ZC3H3: variants seen among roughly 807,000 people sequenced by gnomAD.
The protein encoded by ZC3H3 is zinc finger CCCH-type containing 3.
Under a neutral mutation model 77.3 loss-of-function variants are expected in ZC3H3, and 36 were observed. The ratio of observed to expected loss-of-function variants is 0.47; its 90% confidence interval spans 0.36 to 0.61. The LOEUF (loss-of-function observed/expected upper bound fraction) is 0.61. ZC3H3 is among the 20% of genes least tolerant of loss of function. ZC3H3 has a pLI of 0.00. For synonymous variants in ZC3H3, 626 were observed against 555.2 expected, an observed-to-expected ratio of 1.13 and a Z score of -1.79; for missense variants, 1,331 against 1,312.2, an observed-to-expected ratio of 1.01 and a Z score of -0.22.
intron 4 of ZC3H3, among the ~76,000 whole-genome samples, chr8:143,501,308 C>T (rs1449341481): frequency 6.6e-6 from 1 of 152,156 alleles, no homozygotes; most frequent in African/African-American, 2.4e-5. Context: ...TCAAGTGATC[C>T]TCCTGCCTCC....
chr8:143,538,436 AGTT>A lies in ZC3H3; in HGVS notation c.928_930del (p.Asn310del). The A allele has an allele frequency of 3.1e-6, 5 of 1,613,188 alleles. No individual in the cohort carries two copies. The highest frequency in any genetic ancestry group is 4.2e-6 in the Non-Finnish European group (5 of 1,180,034). ...TTCGAGGAGGCAGCCACCCATTTGT[AGTT>A]GTTTTTCCGGAACTTGTTAGTTCGA... On this transcript the variant is annotated inframe_deletion, in exon 2 of 12. Coordinates refer to ENST00000262577, the MANE Select transcript of ZC3H3 (RefSeq NM_015117.3).
intron 4 of ZC3H3, among the ~76,000 whole-genome samples, chr8:143,476,905 C>A (rs1316078311): frequency 6.6e-6 from 1 of 152,238 alleles, no homozygotes; most frequent in Admixed American, 6.5e-5. Flanking sequence ...CTGGTCTGGG[C>A]CAGGGTGGGG....
chr8:143,489,539 C>T (rs1586917311), intron 4 of ZC3H3, among the ~76,000 whole-genome samples: 1 of 152,132 alleles, frequency 6.6e-6, no homozygotes, highest in East Asian at 1.9e-4. Context: ...GAAGCAGCCT[C>T]CGCAGGCAAG....
rs2129855088 is a variant in ZC3H3, at chr8:143,462,427, T to C, written c.2307+3290A>G. ...CCTTGCCTCATAAAGGACGAAGGAT[T>C]CGGCCTAACAAAGGGCAGCACTGGC... On this transcript the variant is annotated intron_variant, in intron 9 of 11. Coordinates refer to ENST00000262577, the MANE Select transcript of ZC3H3 (RefSeq NM_015117.3). The surrounding 1 kb of genome is among the most constrained non-coding windows in gnomAD (Gnocchi z 4.7). 6.6e-6 allele frequency among the ~76,000 whole-genome samples: 1 copy of C among 152,162 alleles called. No individual in the cohort carries two copies. Among genetic ancestry groups the C allele is most frequent in the East Asian group, 1.9e-4 (1 of 5,196 alleles).
At chr8:143,442,400 C>CG (rs1285730125) in intron 9 of ZC3H3, among the ~76,000 whole-genome samples, 399 of 5,366 alleles carry the variant, frequency 0.074, 4 homozygotes, top group African/African-American at 0.14. Context: ...CTTCAGGGGC[C>CG]GGGGGGGGTG....
chr8:143,492,497 C>T (rs980600584), intron 4 of ZC3H3, among the ~76,000 whole-genome samples: 12 of 152,322 alleles, frequency 7.9e-5, no homozygotes, highest in Non-Finnish European at 1.8e-4. Flanking sequence ...AGCTGCCCAC[C>T]TGTAGCGTCA....
chr8:143,485,668 T>C (rs1237484700), intron 4 of ZC3H3, among the ~76,000 whole-genome samples: 3 of 152,154 alleles, frequency 2.0e-5, no homozygotes, highest in East Asian at 3.8e-4. Flanking sequence ...CATAAAAGGC[T>C]AAAAAACCAG....
chr8:143,466,940 G>A (rs956743570), intron 8 of ZC3H3, among the ~76,000 whole-genome samples: 1 of 152,184 alleles, frequency 6.6e-6, no homozygotes. Context: ...GGGCAAGGTT[G>A]GGGATGGGAA....
At chr8:143,449,991 G>C (rs1759710717) in intron 9 of ZC3H3, among the ~76,000 whole-genome samples, 1 of 152,128 alleles carries the variant, frequency 6.6e-6, no homozygotes, top group African/African-American at 2.4e-5. Flanking sequence ...CAAGTCTCTA[G>C]AAAGTTCAAA....
chr8:143,521,661 C>T (rs958618842), intron 3 of ZC3H3, among the ~76,000 whole-genome samples: 7 of 152,214 alleles, frequency 4.6e-5, no homozygotes, highest in East Asian at 1.9e-4. Flanking sequence ...CTCCCCGCAC[C>T]GCCTTACTTC....
intron 4 of ZC3H3, among the ~76,000 whole-genome samples, chr8:143,476,361 T>A (rs1820734614): frequency 6.6e-6 from 1 of 152,142 alleles, no homozygotes; most frequent in Non-Finnish European, 1.5e-5. Flanking sequence ...TGGAGTTAGC[T>A]GAGCTGATGA....
In ZC3H3 at chr8:143,538,110, T is replaced by C; in HGVS notation, c.1257A>G (p.Arg419=). 1.2e-6 allele frequency: 2 copies of C among 1,613,158 alleles called. No homozygotes were observed. The highest frequency in any genetic ancestry group is 1.7e-6 in the Non-Finnish European group (2 of 1,180,022). ...TCAAGCCACTGTGTCCTACTGCTGG[T>C]CTGTCCCCCGACGGGGACCTAGACA... The part of the protein sequence containing the change: ...PVLSRSPSGD[R]PAVGHSGLKP... Residue 419 remains arginine, a synonymous_variant, in exon 2 of 12, where the codon AGA becomes AGG. Transcript: ENST00000262577.
chr8:143,438,087 C>A lies in ZC3H3; in HGVS notation c.2816G>T (p.Gly939Val). 1 of 1,610,122 alleles carries A rather than the reference C, an allele frequency of 6.2e-7. No homozygotes were observed. Among genetic ancestry groups the A allele is most frequent in the African/African-American group, 1.3e-5 (1 of 74,980 alleles). The change falls in exon 12 of 12, where the codon GGG (glycine) becomes GTG (valine). Residue 939 changes from glycine (G) to valine (V), a missense_variant and splice_region_variant. Transcript: ENST00000262577. Reference protein sequence around the residue: ...APRAPLTKDSGKPLHIKPRL With the variant: ...APRAPLTKDSVKPLHIKPRL ...ACGTGGTTTGATGTGCAGAGGCTTCCCTATGCAAAGAGGGCAAAAGTTAGG... is the reference window on the plus strand; with the variant it reads ...ACGTGGTTTGATGTGCAGAGGCTTCACTATGCAAAGAGGGCAAAAGTTAGG...
Position 143,437,979 on chromosome 8 carries a change from G to T in ZC3H3, c.*77C>A. The T allele has an allele frequency of 6.4e-7, 1 of 1,560,000 alleles. No homozygotes were observed. The highest frequency in any genetic ancestry group is 1.4e-5 in the African/African-American group (1 of 73,878). On this transcript the variant is annotated 3_prime_UTR_variant, in exon 12 of 12. Transcript: ENST00000262577. ...TTGGTGGCGGGCGGCCCTCCTGTGGGGTAGAGTGGTGGACAGAGCCTCTTT... is the reference window on the plus strand; with the variant it reads ...TTGGTGGCGGGCGGCCCTCCTGTGGTGTAGAGTGGTGGACAGAGCCTCTTT...
At chr8:143,465,998 G>A (rs1038697901) in intron 8 of ZC3H3, 150 bp from the exon 9 acceptor site, 5 of 1,166,818 alleles carry the variant, frequency 4.3e-6, no homozygotes, top group African/African-American at 3.1e-5. Context: ...GACCTGCGGG[G>A]CAGGGAAGCT....
In ZC3H3 at chr8:143,536,196, G is replaced by T. The variant is rs559875116; in HGVS notation, c.1561+61C>A. On this transcript the variant is annotated intron_variant, in intron 3 of 11. Transcript: ENST00000262577. ...GGAAGGTGCCCATGGCTCCTAACAC[G>T]CCAGCATATCCCATCAGGCAGGCCC... 11 of 1,540,638 alleles carry T rather than the reference G, an allele frequency of 7.1e-6. No homozygotes were observed. The African/African-American group carries it at 1.5e-4, about 21-fold the overall frequency.
At chr8:143,508,933 C>A (rs758941739) in intron 3 of ZC3H3, among the ~76,000 whole-genome samples, 2 of 152,208 alleles carry the variant, frequency 1.3e-5, no homozygotes, top group African/African-American at 4.8e-5. Context: ...TTCCCAAATT[C>A]TTTTCCAGAG....
In ZC3H3 at chr8:143,536,434, T is replaced by G. The variant is rs1018668963; in HGVS notation, c.1384A>C (p.Ser462Arg). 2 of 1,526,752 alleles carry G rather than the reference T, an allele frequency of 1.3e-6. No individual in the cohort carries two copies. Among genetic ancestry groups the G allele is most frequent in the South Asian group, 2.4e-5 (2 of 82,056 alleles). 94.6% of individuals were successfully genotyped at this position (1,526,752 alleles called of 1,614,324 possible). ...GCGGTGGCGGCAGGTGAGGTGCCGC[T>G]TTTCTTGTCTCCAGGAAGGCTGTGG... Reference protein sequence around the residue: ...SSTSLPGDKKSGTSPAATAKS... With the variant: ...SSTSLPGDKKRGTSPAATAKS... Residue 462 changes from serine (S) to arginine (R), a missense_variant, in exon 3 of 12, where the codon AGC becomes CGC. Ser to Arg is a moderately radical substitution (Grantham distance 110). Coordinates refer to ENST00000262577, the MANE Select transcript of ZC3H3 (RefSeq NM_015117.3).
chr8:143,500,569 C>G (rs1821493993), intron 4 of ZC3H3, among the ~76,000 whole-genome samples: 1 of 152,236 alleles, frequency 6.6e-6, no homozygotes, highest in South Asian at 2.1e-4. Flanking sequence ...ATACAGAAAA[C>G]AAGTGTCTTT....
Sources: allele counts gnomAD v4.1 joint callset (sites outside exome capture counted in the v4.1 genomes callset), GRCh38; gene constraint gnomAD v4.1.1; non-coding constraint Gnocchi (gnomAD v3.1); transcripts MANE v1.5; gene names NCBI Gene and HGNC (gene_info 2026-07-23, HGNC 2026-07-21).